ZNF438: variants seen among roughly 807,000 people sequenced by gnomAD.
ZNF438 encodes the protein zinc finger protein 438.
Under a neutral mutation model 38.0 loss-of-function variants are expected in ZNF438, and 25 were observed. The ratio of observed to expected loss-of-function variants is 0.66; its 90% CI spans 0.48 to 0.92. ZNF438 has a LOEUF of 0.92. Ranked by LOEUF, ZNF438 falls within the 40% of genes least tolerant of loss-of-function variation. The pLI is 0.00. For missense variants in ZNF438, 1,007 were observed against 999.6 expected, an observed-to-expected ratio of 1.01 and a Z score of -0.10; for synonymous variants, 372 against 364.1, an observed-to-expected ratio of 1.02 and a Z score of -0.25.
intron 2 of ZNF438, 55 bp from the exon 4 acceptor site, chr10:30,909,070 T>C (rs1408679802): frequency 6.6e-6 from 1 of 152,196 alleles, no homozygotes; most frequent in East Asian, 1.9e-4. Flanking sequence ...CAAAACAGTA[T>C]TATTAGCATA....
At chr10:30,987,618 T>C (rs7893715) in intron 1 of ZNF438, among the ~76,000 whole-genome samples, 13,805 of 152,136 alleles carry the variant, frequency 0.091, 2,026 homozygotes, top group African/African-American at 0.31. Context: ...GATTAGGTCA[T>C]GTTGGTGGGG....
intron 1 of ZNF438, among the ~76,000 whole-genome samples, chr10:31,014,342 G>A (rs945505653): frequency 7.9e-5 from 12 of 152,164 alleles, no homozygotes; most frequent in Non-Finnish European, 4.4e-5. Flanking sequence ...CAGCATGGTC[G>A]CTTTCTGATA....
chr10:30,969,493 A>T (rs1191646210), intron 1 of ZNF438, among the ~76,000 whole-genome samples: 2 of 152,250 alleles, frequency 1.3e-5, no homozygotes, highest in Non-Finnish European at 2.9e-5. Flanking sequence ...CATTCTTTCC[A>T]TGAATTCTAA....
chr10:30,916,132 G>A (rs1055023629), intron 2 of ZNF438, among the ~76,000 whole-genome samples: 3 of 151,792 alleles, frequency 2.0e-5, no homozygotes, highest in African/African-American at 4.8e-5. Context: ...CTTCTAATTC[G>A]CTTTTAAGAT....
intron 1 of ZNF438, among the ~76,000 whole-genome samples, chr10:31,018,784 C>T (rs2056388172): frequency 6.6e-6 from 1 of 152,134 alleles, no homozygotes; most frequent in African/African-American, 2.4e-5. Flanking sequence ...CAAGGTCATC[C>T]AGGAACCTAG....
chr10:30,928,937 G>C (rs1459206877), intron 2 of ZNF438, among the ~76,000 whole-genome samples: 1 of 152,126 alleles, frequency 6.6e-6, no homozygotes, highest in Non-Finnish European at 1.5e-5. Flanking sequence ...CGTCTCCTCT[G>C]CAGGTGCTTT....
chr10:31,031,167 AT>A (rs1408046160), intron 1 of ZNF438, among the ~76,000 whole-genome samples: 1 of 152,228 alleles, frequency 6.6e-6, no homozygotes, highest in Admixed American at 6.5e-5. Flanking sequence ...CTTCTACAAG[AT>A]TCCTGGTCAA....
At chr10:30,970,696 G>A (rs1474275906) in intron 1 of ZNF438, among the ~76,000 whole-genome samples, 1 of 152,084 alleles carries the variant, frequency 6.6e-6, no homozygotes, top group East Asian at 1.9e-4. Context: ...AGTTCCTATT[G>A]CAGCGTCTTT....
At chr10:30,850,478 C>T (rs2033394308) in intron 4 of ZNF438, 111 bp from the exon 6 acceptor site, 1 of 1,281,202 alleles carries the variant, frequency 7.8e-7, no homozygotes, top group Admixed American at 2.9e-5. Flanking sequence ...CTTGACCTAC[C>T]TCCAAGCCTT....
intron 1 of ZNF438, among the ~76,000 whole-genome samples, chr10:30,951,552 C>T (rs2048195647): frequency 6.6e-6 from 1 of 152,230 alleles, no homozygotes; most frequent in South Asian, 2.1e-4. Context: ...TCAGCAAAGT[C>T]TCAGGATACA....
At chr10:30,846,757 C>T (rs1237883002) in intron 5 of ZNF438, among the ~76,000 whole-genome samples, 2 of 152,198 alleles carry the variant, frequency 1.3e-5, no homozygotes, top group African/African-American at 4.8e-5. Flanking sequence ...CCTGCTGTGG[C>T]TGCAGATCCA....
chr10:30,852,498 G>A (rs1046604972), intron 4 of ZNF438, among the ~76,000 whole-genome samples: 1 of 152,132 alleles, frequency 6.6e-6, no homozygotes, highest in Non-Finnish European at 1.5e-5. Flanking sequence ...ATGAGCCACC[G>A]CGCCCGGCCC....
intron 4 of ZNF438, among the ~76,000 whole-genome samples, chr10:30,868,771 T>C (rs751312188): frequency 1.3e-5 from 2 of 152,248 alleles, no homozygotes; most frequent in East Asian, 3.8e-4. Flanking sequence ...GTTTCCATCC[T>C]TGTGTTCATG....
At chr10:30,965,634 T>C (rs2050028533) in intron 1 of ZNF438, among the ~76,000 whole-genome samples, 1 of 152,242 alleles carries the variant, frequency 6.6e-6, no homozygotes, top group Non-Finnish European at 1.5e-5. Context: ...GAGGCCATTA[T>C]CCTAAGTGAA....
chr10:30,856,999 G>A (rs1415042040), intron 4 of ZNF438, among the ~76,000 whole-genome samples: 7 of 152,218 alleles, frequency 4.6e-5, no homozygotes, highest in Middle Eastern at 3.4e-3. Context: ...CAAACTCTGC[G>A]AATAAGTATT....
intron 3 of ZNF438, among the ~76,000 whole-genome samples, chr10:30,880,430 T>TA (rs60365494): frequency 0.56 from 62,921 of 111,634 alleles, 16,148 homozygotes; most frequent in Non-Finnish European, 0.62. Flanking sequence ...AAATTCTATC[T>TA]AAAAAAAAAA....
At chr10:30,974,492 G>GCAACAA (rs1743625548) in intron 1 of ZNF438, among the ~76,000 whole-genome samples, 1 of 152,080 alleles carries the variant, frequency 6.6e-6, no homozygotes, top group African/African-American at 2.4e-5. Flanking sequence ...AACAGAACAA[G>GCAACAA]CAACAACAAC....
intron 3 of ZNF438, among the ~76,000 whole-genome samples, chr10:30,902,034 A>G (rs1373009605): frequency 6.6e-6 from 1 of 152,100 alleles, no homozygotes; most frequent in Admixed American, 6.5e-5. Context: ...TGAGTGTTAC[A>G]GCTCATAAAG....
chr10:30,945,684 A>C (rs979194544), intron 1 of ZNF438, among the ~76,000 whole-genome samples: 1 of 136,564 alleles, frequency 7.3e-6, no homozygotes, highest in Non-Finnish European at 1.5e-5. Context: ...CAGTTTACTG[A>C]GAATGATGAT....
Sources: gnomAD v4.1 joint callset for allele counts (sites outside exome capture counted in the v4.1 genomes callset) on GRCh38, gnomAD v4.1.1 for gene constraint, MANE v1.5 for transcripts, NCBI Gene and HGNC (gene_info 2026-07-23, HGNC 2026-07-21) for gene names.